FBXW12: variants seen among roughly 807,000 people sequenced by gnomAD.
FBXW12 encodes F-box/WD repeat-containing protein 12.
In FBXW12, 43 loss-of-function variants were observed where a neutral mutation model predicts 55.3. That is an observed-to-expected ratio of 0.78 (90% confidence interval 0.61 to 1.00). FBXW12 has a LOEUF of 1.00. Among genes scored for constraint, FBXW12 ranks in the 50% least tolerant of loss-of-function variants. FBXW12 has a pLI of 0.00. For synonymous variants in FBXW12, 184 were observed against 203.8 expected (o/e 0.90, Z 0.83); for missense variants, 524 against 560.5 (o/e 0.93, Z 0.66).
chr3:48,379,108 T>G (rs2036727688), intron 6 of FBXW12, among the ~76,000 whole-genome samples: 1 of 152,220 alleles, frequency 6.6e-6, no homozygotes, highest in Non-Finnish European at 1.5e-5. Flanking sequence ...TCCATGAACT[T>G]GGTTGGGGAC....
In FBXW12 at chr3:48,375,355, A is replaced by G. The variant is rs767955355; in HGVS notation, c.288A>G (p.Ala96=). The stretch of plus-strand genomic sequence containing the variant: ...CAAGTCTTCTATGTTTCCTTCTAGC[A>G]TTTGAGACGGAGTTGGCTTATCTCT... ...NFIYKVTKNI[A]FETELAYLSG... Residue 96 remains alanine, a splice_region_variant and synonymous_variant, in exon 5 of 11, where the codon GCA becomes GCG. Coordinates refer to ENST00000296438, the MANE Select transcript of FBXW12 (RefSeq NM_207102.2). 3.8e-6 allele frequency: 6 copies of G among 1,586,762 alleles called. No individual in the cohort carries two copies. The highest frequency in any genetic ancestry group is 4.3e-6 in the Non-Finnish European group (5 of 1,156,598).
At chr3:48,373,764 T>C (rs1376694864) in intron 4 of FBXW12, 59 bp downstream of exon 4, 10 of 1,495,560 alleles carry the variant, frequency 6.7e-6, no homozygotes, top group Non-Finnish European at 9.2e-6. Flanking sequence ...GTCCACTCTA[T>C]TTGATTTTTG....
intron 8 of FBXW12, 114 bp downstream of exon 8, chr3:48,381,026 T>TG (rs2036760549): frequency 2.7e-5 from 20 of 739,200 alleles, no homozygotes; most frequent in Non-Finnish European, 3.9e-5. Flanking sequence ...TTTCTAGTTT[T>TG]TTTTTTTTTT....
At chr3:48,392,157 C>A (rs9826195) in intron 10 of FBXW12, among the ~76,000 whole-genome samples, 91,227 of 151,968 alleles carry the variant, frequency 0.6, 27,480 homozygotes, top group South Asian at 0.68. Context: ...TCTGGGGATA[C>A]AAACACAAGA....
chr3:48,391,213 G>T (rs1223918402), intron 10 of FBXW12, among the ~76,000 whole-genome samples: 1 of 151,212 alleles, frequency 6.6e-6, no homozygotes, highest in African/African-American at 2.4e-5. Flanking sequence ...GAGCCCAGAG[G>T]TTGAGGCTGC....
At position 48,373,323 on chromosome 3, in the gene FBXW12, G is replaced by A; in HGVS notation, c.106G>A (p.Ala36Thr). ...SQVNKHWNRI[A>T]DSDYLWRSLS... The stretch of plus-strand genomic sequence containing the variant: ...TCTCCCATAGCATTGGAATAGGATT[G>A]CAGACAGTGATTACCTGTGGAGGTA... Residue 36 changes from alanine (A) to threonine (T), a missense_variant, in exon 3 of 11, where the codon GCA (alanine) becomes ACA (threonine). Ala to Thr is a moderately conservative substitution (Grantham distance 58). Coordinates refer to ENST00000296438, the MANE Select transcript of FBXW12 (RefSeq NM_207102.2). The A allele has an allele frequency of 1.9e-6, 3 of 1,614,176 alleles. No individual in the cohort carries two copies. Among genetic ancestry groups the A allele is most frequent in the Non-Finnish European group, 2.5e-6 (3 of 1,180,026 alleles).
At chr3:48,387,657 C>A (rs2036866471) in intron 10 of FBXW12, among the ~76,000 whole-genome samples, 1 of 152,156 alleles carries the variant, frequency 6.6e-6, no homozygotes, top group African/African-American at 2.4e-5. Context: ...AAGTGATCCT[C>A]CCACCTCAGC....
chr3:48,392,761 A>C (rs182844718), intron 10 of FBXW12, among the ~76,000 whole-genome samples: 33 of 152,292 alleles, frequency 2.2e-4, no homozygotes, highest in Non-Finnish European at 3.7e-4. Context: ...TTGTCGTTCA[A>C]ATCTCTATAT....
chr3:48,374,126 C>G (rs954261823), intron 4 of FBXW12, among the ~76,000 whole-genome samples: 2 of 152,090 alleles, frequency 1.3e-5, no homozygotes, highest in African/African-American at 4.8e-5. Context: ...CAAGACCAGC[C>G]TGGCCAACAA....
Position 48,373,348 on chromosome 3 carries a change from A to AAGGGAAGGGAAAGGGCAAGG in FBXW12, c.128+13_128+32dup. The AAGGGAAGGGAAAGGGCAAGG allele has an allele frequency of 2.5e-6, 4 of 1,614,002 alleles. No homozygotes were observed. The highest frequency in any genetic ancestry group is 3.4e-6 in the Non-Finnish European group (4 of 1,180,024). On this transcript the variant is annotated splice_donor_region_variant and intron_variant, in intron 3 of 10. Coordinates refer to ENST00000296438, the MANE Select transcript of FBXW12 (RefSeq NM_207102.2). The stretch of plus-strand genomic sequence containing the variant: ...GCAGACAGTGATTACCTGTGGAGGT[A>AAGGGAAGGGAAAGGGCAAGG]AGGGAAGGGAAAGGGCAAGGAGGGA...
At position 48,379,564 on chromosome 3, in the gene FBXW12, T is replaced by C. The variant is rs201226211; in HGVS notation, c.774+6T>C. The C allele has an allele frequency of 2.9e-5, 47 of 1,612,708 alleles. No homozygotes were observed. The East Asian group carries it at 9.1e-4, about 31-fold the overall frequency. ...ACAGTCGTACCTTGCCACAGGTAGG[T>C]GCTGTTCTGTGTATTTCAATTTCAG... On this transcript the variant is annotated splice_donor_region_variant and intron_variant, in intron 7 of 10. Coordinates refer to ENST00000296438, the MANE Select transcript of FBXW12 (RefSeq NM_207102.2).
intron 5 of FBXW12, among the ~76,000 whole-genome samples, chr3:48,376,425 T>C (rs1560030459): frequency 6.6e-6 from 1 of 152,248 alleles, no homozygotes; most frequent in African/African-American, 2.4e-5. Flanking sequence ...TTGTCAATGA[T>C]TGGCATTTGT....
chr3:48,391,363 T>TAA (rs2036926646), intron 10 of FBXW12, among the ~76,000 whole-genome samples: 1 of 150,862 alleles, frequency 6.6e-6, no homozygotes, highest in Non-Finnish European at 1.5e-5. Context: ...CACATATATA[T>TAA]ATAAAATCAA....
Position 48,372,750 on chromosome 3 carries a change from G to T in FBXW12, c.-18G>T. On this transcript the variant is annotated 5_prime_UTR_variant, in exon 2 of 11. Transcript: ENST00000296438. The stretch of plus-strand genomic sequence containing the variant: ...GGAGAGGAGAAAGGAAAGTGGATGT[G>T]GGTTCAGGCCGCATGAAATGGAGAT... 6.2e-7 allele frequency: 1 copy of T among 1,614,164 alleles called. No homozygotes were observed. Among genetic ancestry groups the T allele is most frequent in the Middle Eastern group, 1.6e-4 (1 of 6,062 alleles).
At chr3:48,372,607 A>G in intron 1 of FBXW12, 77 bp from the exon 2 acceptor site, 1 of 1,505,372 alleles carries the variant, frequency 6.6e-7, no homozygotes, top group Non-Finnish European at 9.0e-7. Flanking sequence ...GCCGGGGTGG[A>G]GGTCAGCCCG....
chr3:48,378,888 A>G (rs1477652160), intron 6 of FBXW12, among the ~76,000 whole-genome samples: 2 of 152,094 alleles, frequency 1.3e-5, no homozygotes, highest in Admixed American at 1.3e-4. Flanking sequence ...CATAAGCCAC[A>G]GCGCCTGGCC....
At chr3:48,383,518 T>C (rs923061864) in intron 10 of FBXW12, among the ~76,000 whole-genome samples, 2 of 152,226 alleles carry the variant, frequency 1.3e-5, no homozygotes, top group East Asian at 3.8e-4. Context: ...TGCAAATATT[T>C]TCTCCCACTC....
intron 10 of FBXW12, among the ~76,000 whole-genome samples, chr3:48,383,912 A>G (rs1169121659): frequency 6.6e-6 from 1 of 152,184 alleles, no homozygotes; most frequent in Admixed American, 6.6e-5. Flanking sequence ...TGTTCCAATC[A>G]TCTATATATG....
At chr3:48,393,504 TCAA>T (rs1431027326) in intron 10 of FBXW12, among the ~76,000 whole-genome samples, 1 of 152,016 alleles carries the variant, frequency 6.6e-6, no homozygotes, top group African/African-American at 2.4e-5. Context: ...AGAACAAGAA[TCAA>T]CAACAGAGCT....
Sources: allele counts gnomAD v4.1 joint callset (sites outside exome capture counted in the v4.1 genomes callset), GRCh38; gene constraint gnomAD v4.1.1; transcripts MANE v1.5; gene names NCBI Gene and HGNC (gene_info 2026-07-23, HGNC 2026-07-21).